Variants in PCDHB11 observed in about 807,000 individuals in gnomAD.
The protein encoded by PCDHB11 is protocadherin beta-11.
For missense variants in PCDHB11, 1,151 were observed against 1,003.4 expected, an observed-to-expected ratio of 1.15 and a Z score of -1.99; for synonymous variants, 522 against 442.0, an observed-to-expected ratio of 1.18 and a Z score of -2.27.
At position 141,200,473 on chromosome 5, in the gene PCDHB11, G is replaced by A. The variant is rs1554285293; in HGVS notation, c.699G>A (p.Val233=). Residue 233 remains valine (V), a synonymous_variant, in exon 1 of 1, where the codon GTG becomes GTA. Coordinates refer to ENST00000354757, the MANE Select transcript of PCDHB11 (RefSeq NM_018931.3). ...CTGCCTTGGTCAGGGTGGTGGTTGT[G>A]GACATTAATGACAACTCCCCTGAAT... ...SGTALVRVVV[V]DINDNSPEFE... is the part of the protein sequence containing the mutation. The A allele has an allele frequency of 6.2e-7, 1 of 1,614,110 alleles. No individual in the cohort carries two copies. The highest frequency in any genetic ancestry group is 1.3e-5 in the African/African-American group (1 of 75,018).
Position 141,201,731 on chromosome 5 carries a change from T to C in PCDHB11, c.1957T>C (p.Ser653Pro), listed in dbSNP as rs782447401. Residue 653 changes from serine (S) to proline (P), a missense_variant, in exon 1 of 1, where the codon TCG becomes CCG. Transcript: ENST00000354757. The stretch of plus-strand genomic sequence containing the variant: ...CAAGGACAATGGCGAGCCTCCGCGC[T>C]CGGCCACCGCCACGCTGCAAGTGCT... Reference protein sequence around the residue: ...LVKDNGEPPRSATATLQVLLV... With the variant: ...LVKDNGEPPRPATATLQVLLV... The C allele has an allele frequency of 9.3e-6, 15 of 1,607,632 alleles. No individual in the cohort carries two copies. The highest frequency in any genetic ancestry group is 2.2e-5 in the South Asian group (2 of 90,974).
rs1554285403 is a variant in PCDHB11, at chr5:141,200,866, G to A, written c.1092G>A (p.Val364=). 6.2e-7 allele frequency: 1 copy of A among 1,614,046 alleles called. No individual in the cohort carries two copies. Among genetic ancestry groups the A allele is most frequent in the Admixed American group, 1.7e-5 (1 of 60,002 alleles). Residue 364 remains valine (V), a synonymous_variant, in exon 1 of 1, where the codon GTG becomes GTA. Coordinates refer to ENST00000354757, the MANE Select transcript of PCDHB11 (RefSeq NM_018931.3). ...TCCCAGAAAATACGCCAGAGACCGT[G>A]GTTATGGTTTTTAGTATCCAAGATA... ...SPIPENTPET[V]VMVFSIQDID...
At position 141,200,295 on chromosome 5, in the gene PCDHB11, C is replaced by T. The variant is rs1754138561; in HGVS notation, c.521C>T (p.Pro174Leu). ...GCTGTAAAAAGCTACACAATAAGCC[C>T]CAACTCTCATTTTCACATTAAAATG... Reference protein sequence around the residue: ...INAVKSYTISPNSHFHIKMRV... With the variant: ...INAVKSYTISLNSHFHIKMRV... The change falls in exon 1 of 1, where the codon CCC becomes CTC. Residue 174 changes from proline to leucine, a missense_variant. Pro to Leu is a moderately conservative substitution (Grantham distance 98, BLOSUM62 -3). Coordinates refer to ENST00000354757, the MANE Select transcript of PCDHB11 (RefSeq NM_018931.3). 1 of 1,613,990 alleles carries T rather than the reference C, an allele frequency of 6.2e-7. No individual in the cohort carries two copies. Among genetic ancestry groups the T allele is most frequent in the Non-Finnish European group, 8.5e-7 (1 of 1,180,030 alleles).
chr5:141,200,613 C>T lies in PCDHB11; in HGVS notation c.839C>T (p.Thr280Ile), dbSNP rs782258064. 6.2e-7 allele frequency: 1 copy of T among 1,614,188 alleles called. No homozygotes were observed. The highest frequency in any genetic ancestry group is 8.5e-7 in the Non-Finnish European group (1 of 1,180,036). ...DSGTNGEICY[T>I]FSHASEDIRK... ...GGAACAAATGGTGAAATATGCTATACCTTTTCCCATGCCTCAGAAGATATT... is the reference window on the plus strand; with the variant it reads ...GGAACAAATGGTGAAATATGCTATATCTTTTCCCATGCCTCAGAAGATATT... The change falls in exon 1 of 1, where the codon ACC becomes ATC. Residue 280 changes from threonine to isoleucine, a missense_variant. Coordinates refer to ENST00000354757, the MANE Select transcript of PCDHB11 (RefSeq NM_018931.3).
rs113470166 is a variant in PCDHB11 at position 141,203,677 on chromosome 5, T to A, written c.*1509T>A. 6.6e-3 allele frequency: 982 copies of A among 148,428 alleles called. 12 individuals carry two copies. Among genetic ancestry groups the A allele is most frequent in the African/African-American group, 0.023 (952 of 41,312 alleles). 9.2% of individuals were successfully genotyped at this position (148,428 alleles called of 1,614,324 possible). ...CTTACTTGGCTAATATTTTTAATGC[T>A]TTTGTGTGTGTATATATATATATAG... On this transcript the variant is annotated 3_prime_UTR_variant, in exon 1 of 1. Coordinates refer to ENST00000354757, the MANE Select transcript of PCDHB11 (RefSeq NM_018931.3).
rs1554285311 is a variant in PCDHB11 at position 141,200,519 on chromosome 5, G to A, written c.745G>A (p.Val249Met). 4 of 1,614,056 alleles carry A rather than the reference G, an allele frequency of 2.5e-6. No homozygotes were observed. Among genetic ancestry groups the A allele is most frequent in the Admixed American group, 1.7e-5 (1 of 59,998 alleles). Residue 249 changes from valine to methionine, a missense_variant, in exon 1 of 1, where the codon GTG becomes ATG. Val to Met is a conservative substitution (Grantham distance 21). Transcript: ENST00000354757. ...SPEFEQAFYE[V>M]KIRENSILGS... ...TGAATTTGAGCAGGCTTTTTATGAG[G>A]TGAAGATTCGGGAGAATAGCATCCT...
In PCDHB11 at chr5:141,201,285, T is replaced by C. The variant is rs782410677; in HGVS notation, c.1511T>C (p.Val504Ala). The C allele has an allele frequency of 2.5e-6, 4 of 1,613,512 alleles. No individual in the cohort carries two copies. The highest frequency in any genetic ancestry group is 1.1e-5 in the South Asian group (1 of 91,046). ...CTGCACCTGCCCCTCGCCTCCCTGG[T>C]CTCCATCAACACAGACAACGGCCAC... ...QDLHLPLASL[V>A]SINTDNGHLF... is the part of the protein sequence containing the mutation. Residue 504 changes from valine to alanine, a missense_variant, in exon 1 of 1, where the codon GTC (valine) becomes GCC (alanine). Coordinates refer to ENST00000354757, the MANE Select transcript of PCDHB11 (RefSeq NM_018931.3).
At position 141,201,323 on chromosome 5, in the gene PCDHB11, A is replaced by G. The variant is rs1554285564; in HGVS notation, c.1549A>G (p.Arg517Gly). The change falls in exon 1 of 1, where the codon AGG becomes GGG. Residue 517 changes from arginine to glycine, a missense_variant. Coordinates refer to ENST00000354757, the MANE Select transcript of PCDHB11 (RefSeq NM_018931.3). ...NTDNGHLFAL[R>G]SLDYEALQAF... ...AGACAACGGCCACCTGTTCGCCCTC[A>G]GGTCGCTGGACTACGAGGCCCTGCA... 3.1e-6 allele frequency: 5 copies of G among 1,613,512 alleles called. No homozygotes were observed. The South Asian group carries it at 4.4e-5, about 14-fold the overall frequency.
At position 141,200,693 on chromosome 5, in the gene PCDHB11, C is replaced by G. The variant is rs782028916; in HGVS notation, c.919C>G (p.Leu307Val). ...KSGEITLRAP[L>V]DFETIESYSI... The stretch of plus-strand genomic sequence containing the variant: ...TGGAGAAATTACTTTAAGAGCACCT[C>G]TGGATTTTGAAACGATTGAGTCATA... The change falls in exon 1 of 1, where the codon CTG becomes GTG. Residue 307 changes from leucine (L) to valine (V), a missense_variant. Coordinates refer to ENST00000354757, the MANE Select transcript of PCDHB11 (RefSeq NM_018931.3). 26 of 1,614,056 alleles carry G rather than the reference C, an allele frequency of 1.6e-5. No homozygotes were observed. The highest frequency in any genetic ancestry group is 2.1e-5 in the Non-Finnish European group (25 of 1,180,046).
In PCDHB11 at chr5:141,200,287, A is replaced by T. The variant is rs1554285252; in HGVS notation, c.513A>T (p.Thr171=). ...DVGINAVKSY[T]ISPNSHFHIK... Reference sequence around the variant, plus strand: ...GAATCAATGCTGTAAAAAGCTACACAATAAGCCCCAACTCTCATTTTCACA... The same window carrying T: ...GAATCAATGCTGTAAAAAGCTACACTATAAGCCCCAACTCTCATTTTCACA... The change falls in exon 1 of 1, where the codon ACA becomes ACT. Residue 171 remains threonine (T), a synonymous_variant. Transcript: ENST00000354757. 13 of 1,614,172 alleles carry T rather than the reference A, an allele frequency of 8.1e-6. No homozygotes were observed. The highest frequency in any genetic ancestry group is 1.1e-5 in the Non-Finnish European group (13 of 1,180,036).
At position 141,200,462 on chromosome 5, in the gene PCDHB11, G is replaced by A; in HGVS notation, c.688G>A (p.Val230Met). 1.2e-6 allele frequency: 2 copies of A among 1,614,152 alleles called. No individual in the cohort carries two copies. The highest frequency in any genetic ancestry group is 8.5e-7 in the Non-Finnish European group (1 of 1,180,032). ...CAGGTCTGGAACTGCCTTGGTCAGG[G>A]TGGTGGTTGTGGACATTAATGACAA... ...PPRSGTALVRVVVVDINDNSP... is the reference protein window; with the variant it reads ...PPRSGTALVRMVVVDINDNSP... Residue 230 changes from valine (V) to methionine (M), a missense_variant, in exon 1 of 1, where the codon GTG (valine) becomes ATG (methionine). Val to Met is a conservative substitution (Grantham distance 21). Transcript: ENST00000354757.
chr5:141,202,137 C>A lies in PCDHB11; in HGVS notation c.2363C>A (p.Thr788Asn). Reference protein sequence around the residue: ...GLGKNSEENSTFRNSFGFNF With the variant: ...GLGKNSEENSNFRNSFGFNF ...GGGAAGAATAGTGAAGAAAACTCCACCTTTCGAAATAGCTTTGGATTTAAT... is the reference window on the plus strand; with the variant it reads ...GGGAAGAATAGTGAAGAAAACTCCAACTTTCGAAATAGCTTTGGATTTAAT... The change falls in exon 1 of 1, where the codon ACC becomes AAC. Residue 788 changes from threonine (T) to asparagine (N), a missense_variant. Coordinates refer to ENST00000354757, the MANE Select transcript of PCDHB11 (RefSeq NM_018931.3). The A allele has an allele frequency of 6.2e-7, 1 of 1,608,902 alleles. No individual in the cohort carries two copies.
Position 141,202,143 on chromosome 5 carries a change from G to A in PCDHB11, c.2369G>A (p.Arg790Gln), listed in dbSNP as rs782535816. Residue 790 changes from arginine to glutamine, a missense_variant, in exon 1 of 1, where the codon CGA (arginine) becomes CAA (glutamine). Transcript: ENST00000354757. The stretch of plus-strand genomic sequence containing the variant: ...AATAGTGAAGAAAACTCCACCTTTC[G>A]AAATAGCTTTGGATTTAATTTTTAG... ...GKNSEENSTF[R>Q]NSFGFNF The A allele has an allele frequency of 1.2e-6, 2 of 1,607,494 alleles. No homozygotes were observed. The highest frequency in any genetic ancestry group is 1.1e-5 in the South Asian group (1 of 90,194).
Position 141,200,476 on chromosome 5 carries a change from C to T in PCDHB11, c.702C>T (p.Asp234=), listed in dbSNP as rs781795665. ...GTALVRVVVV[D]INDNSPEFEQ... is the part of the protein sequence containing the mutation. ...CCTTGGTCAGGGTGGTGGTTGTGGACATTAATGACAACTCCCCTGAATTTG... is the reference window on the plus strand; with the variant it reads ...CCTTGGTCAGGGTGGTGGTTGTGGATATTAATGACAACTCCCCTGAATTTG... The change falls in exon 1 of 1, where the codon GAC becomes GAT. Residue 234 remains aspartate, a synonymous_variant. Coordinates refer to ENST00000354757, the MANE Select transcript of PCDHB11 (RefSeq NM_018931.3). 1.2e-6 allele frequency: 2 copies of T among 1,614,102 alleles called. No homozygotes were observed. The highest frequency in any genetic ancestry group is 1.3e-5 in the African/African-American group (1 of 75,006).
Position 141,199,666 on chromosome 5 carries a change from C to T in PCDHB11, c.-109C>T, listed in dbSNP as rs934129665. 1 of 931,570 alleles carries T rather than the reference C, an allele frequency of 1.1e-6. No individual in the cohort carries two copies. The highest frequency in any genetic ancestry group is 1.6e-6 in the Non-Finnish European group (1 of 625,408). The allele number at this position is 931,570 out of a possible 1,614,324, so 57.7% of individuals were successfully genotyped here. ...AGCCTTCAAGAGGGTGACCTGGAAA[C>T]CATTCAACAGGGTTAAAATCCTTAG... On this transcript the variant is annotated 5_prime_UTR_variant, in exon 1 of 1. Coordinates refer to ENST00000354757, the MANE Select transcript of PCDHB11 (RefSeq NM_018931.3).
rs374822723 is a variant in PCDHB11 at position 141,201,118 on chromosome 5, C to T, written c.1344C>T (p.Ala448=). Residue 448 remains alanine (A), a synonymous_variant, in exon 1 of 1, where the codon GCC becomes GCT. Coordinates refer to ENST00000354757, the MANE Select transcript of PCDHB11 (RefSeq NM_018931.3). The part of the protein sequence containing the change: ...TVLVSDVNDN[A]PTFTQTSYTL... The stretch of plus-strand genomic sequence containing the variant: ...TGGTCTCTGACGTCAATGACAACGC[C>T]CCCACCTTCACCCAAACCTCCTACA... 8 of 1,613,978 alleles carry T rather than the reference C, an allele frequency of 5.0e-6. No individual in the cohort carries two copies. The African/African-American group carries it at 9.3e-5, about 19-fold the overall frequency.
In PCDHB11 at chr5:141,202,248, C is replaced by A. The variant is rs1754221461; in HGVS notation, c.*80C>A. The A allele has an allele frequency of 8.2e-7, 1 of 1,221,152 alleles. No individual in the cohort carries two copies. Among genetic ancestry groups the A allele is most frequent in the Non-Finnish European group, 1.1e-6 (1 of 889,284 alleles). 75.6% of individuals were successfully genotyped at this position (1,221,152 alleles called of 1,614,324 possible). A position where few individuals can be genotyped will look rare whatever the true frequency, so the allele number is the denominator to read the frequency against. ...ATATTATTTAGTCTTAAACTAGTTA[C>A]GTTATTATGCAATACGACTAATTGT... On this transcript the variant is annotated 3_prime_UTR_variant, in exon 1 of 1. Coordinates refer to ENST00000354757, the MANE Select transcript of PCDHB11 (RefSeq NM_018931.3).
Position 141,200,698 on chromosome 5 carries a change from T to C in PCDHB11, c.924T>C (p.Asp308=). ...SGEITLRAPL[D]FETIESYSII... ...AAATTACTTTAAGAGCACCTCTGGA[T>C]TTTGAAACGATTGAGTCATACTCAA... is the stretch of plus-strand genomic sequence containing the variant. Residue 308 remains aspartate, a synonymous_variant, in exon 1 of 1, where the codon GAT becomes GAC. Coordinates refer to ENST00000354757, the MANE Select transcript of PCDHB11 (RefSeq NM_018931.3). 6.2e-7 allele frequency: 1 copy of C among 1,614,198 alleles called. No homozygotes were observed. Among genetic ancestry groups the C allele is most frequent in the Non-Finnish European group, 8.5e-7 (1 of 1,180,044 alleles).
chr5:141,200,439 G>A lies in PCDHB11; in HGVS notation c.665G>A (p.Arg222Lys). Residue 222 changes from arginine to lysine, a missense_variant, in exon 1 of 1, where the codon AGG becomes AAG. Physicochemically the swap from Arg to Lys is conservative, Grantham distance 26. Transcript: ENST00000354757. ...GCTCTGGATGGTGGGTCCCCTCCCA[G>A]GTCTGGAACTGCCTTGGTCAGGGTG... ...LSALDGGSPPRSGTALVRVVV... is the reference protein window; with the variant it reads ...LSALDGGSPPKSGTALVRVVV... 2 of 1,614,116 alleles carry A rather than the reference G, an allele frequency of 1.2e-6. No homozygotes were observed. The highest frequency in any genetic ancestry group is 1.7e-6 in the Non-Finnish European group (2 of 1,180,018).
Sources: allele counts gnomAD v4.1 joint callset, GRCh38; gene constraint gnomAD v4.1.1; transcripts MANE v1.5; gene names NCBI Gene and HGNC (gene_info 2026-07-23, HGNC 2026-07-21).